C8A: variants seen among roughly 807,000 people sequenced by gnomAD.
C8A encodes the protein complement component C8 alpha chain.
In C8A, 67 loss-of-function variants were observed where a neutral mutation model predicts 65.3. The ratio of observed to expected loss-of-function variants is 1.03; its 90% confidence interval spans 0.84 to 1.26. The LOEUF is 1.26. Ranked by LOEUF, C8A falls within the 50% of genes most tolerant of loss-of-function variation. The pLI, the probability that C8A is intolerant of heterozygous loss-of-function variation, is 0.00. For missense variants in C8A, 781 were observed against 723.9 expected (o/e 1.08, Z -0.90); for synonymous variants, 290 against 259.4 (o/e 1.12, Z -1.13).
chr1:56,867,786 T>C (rs1227853297), intron 2 of C8A, 84 bp downstream of exon 2: 5 of 983,642 alleles, frequency 5.1e-6, no homozygotes, highest in Middle Eastern at 4.1e-4. Context: ...CAGTCCACTA[T>C]GTCTAGGGGC....
At chr1:56,886,646 G>A (rs1644302682) in intron 7 of C8A, among the ~76,000 whole-genome samples, 1 of 152,006 alleles carries the variant, frequency 6.6e-6, no homozygotes, top group African/African-American at 2.4e-5. Context: ...CTCCTACTGA[G>A]GTATGCTGGG....
At chr1:56,907,829 G>A (rs1570351930) in intron 8 of C8A, 127 bp from the exon 9 acceptor site, 1 of 636,366 alleles carries the variant, frequency 1.6e-6, no homozygotes, top group Non-Finnish European at 2.6e-6. Context: ...ACCAAGAAGA[G>A]AAGAAGAATG....
intron 7 of C8A, among the ~76,000 whole-genome samples, chr1:56,889,057 G>A (rs981281654): frequency 2.6e-5 from 4 of 152,056 alleles, no homozygotes; most frequent in Non-Finnish European, 4.4e-5. Flanking sequence ...AAATCTGTGA[G>A]GCTGAAATGG....
chr1:56,914,393 A>C (rs944327730), intron 10 of C8A, among the ~76,000 whole-genome samples: 4 of 152,294 alleles, frequency 2.6e-5, no homozygotes, highest in Non-Finnish European at 5.9e-5. Context: ...TCCTACCCCC[A>C]GAATCTCTGA....
At chr1:56,883,361 G>A in intron 5 of C8A, 120 bp from the exon 6 acceptor site, 1 of 839,402 alleles carries the variant, frequency 1.2e-6, no homozygotes, top group Non-Finnish European at 1.9e-6. Flanking sequence ...CCTTATAAAA[G>A]AATTACCTAC....
At chr1:56,868,669 T>G (rs1241592229) in intron 2 of C8A, among the ~76,000 whole-genome samples, 1 of 152,132 alleles carries the variant, frequency 6.6e-6, no homozygotes, top group South Asian at 2.1e-4. Flanking sequence ...GTCTGTTTTA[T>G]TATTGTTTTA....
chr1:56,902,628 T>C (rs1389259585), intron 7 of C8A, among the ~76,000 whole-genome samples: 1 of 152,204 alleles, frequency 6.6e-6, no homozygotes, highest in Admixed American at 6.5e-5. Context: ...TTTATGGTCA[T>C]TGATTAGTAA....
At chr1:56,915,456 A>G (rs1168158260) in intron 10 of C8A, among the ~76,000 whole-genome samples, 1 of 152,156 alleles carries the variant, frequency 6.6e-6, no homozygotes, top group Non-Finnish European at 1.5e-5. Flanking sequence ...ACTACTCTGG[A>G]TTGATACAGC....
chr1:56,895,135 C>A (rs1450754150), intron 7 of C8A, among the ~76,000 whole-genome samples: 1 of 152,066 alleles, frequency 6.6e-6, no homozygotes, highest in Non-Finnish European at 1.5e-5. Flanking sequence ...GAACCTAGGT[C>A]TTCTGATTTA....
At chr1:56,884,117 A>G (rs143202805) in intron 6 of C8A, among the ~76,000 whole-genome samples, 161 of 152,218 alleles carry the variant, frequency 1.1e-3, no homozygotes, top group African/African-American at 3.6e-3. Context: ...TTCACCATTA[A>G]GTGCCTATTA....
intron 8 of C8A, among the ~76,000 whole-genome samples, chr1:56,907,723 A>T (rs531520693): frequency 6.6e-6 from 1 of 152,304 alleles, no homozygotes; most frequent in South Asian, 2.1e-4. Flanking sequence ...CTTATCCTCC[A>T]TGTGGTCTGG....
intron 8 of C8A, among the ~76,000 whole-genome samples, 165 bp downstream of exon 8, chr1:56,906,957 T>C (rs1644471290): frequency 6.6e-6 from 1 of 152,182 alleles, no homozygotes; most frequent in African/African-American, 2.4e-5. Context: ...GTGGCTTTAT[T>C]TTGAATCTAC....
intron 1 of C8A, among the ~76,000 whole-genome samples, chr1:56,862,064 T>C (rs1644039537): frequency 6.6e-6 from 1 of 152,198 alleles, no homozygotes; most frequent in Admixed American, 6.5e-5. Flanking sequence ...CACAGCCCTA[T>C]CCGAGTACAT....
At chr1:56,904,487 C>T (rs564568039) in intron 7 of C8A, among the ~76,000 whole-genome samples, 99 of 152,256 alleles carry the variant, frequency 6.5e-4, no homozygotes, top group African/African-American at 2.2e-3. Flanking sequence ...GCCCAATATG[C>T]GATATGCTGG....
At chr1:56,885,445 T>TATATATTTACGTAA (rs1557705899) in intron 6 of C8A, among the ~76,000 whole-genome samples, 15 of 86,106 alleles carry the variant, frequency 1.7e-4, no homozygotes, top group African/African-American at 3.6e-4. Flanking sequence ...TTTAAGTAAA[T>TATATATTTACGTAA]ATATATATAT....
chr1:56,912,519 TG>T lies in C8A; in HGVS notation c.1500del (p.Pro501LeufsTer112). The T allele has an allele frequency of 1.2e-6, 2 of 1,614,200 alleles. No individual in the cohort carries two copies. The highest frequency in any genetic ancestry group is 1.7e-6 in the Non-Finnish European group (2 of 1,180,026). On this transcript the variant is annotated frameshift_variant, in exon 10 of 11. Transcript: ENST00000361249. LOFTEE classifies it high-confidence loss of function. ...TGATGGAATTCAATGCCTGCCGATG[TG>T]GGCCTTGCTTCAACAATGGGGTGCC... ...YLMEFNACRC[G>X]PCFNNGVPIL...
chr1:56,868,345 A>G lies in C8A; in HGVS notation c.171+643A>G, dbSNP rs1444676807. Reference sequence around the variant, plus strand: ...CATAGTCAGCCAGGTGTGAGGGCTCACACCTGTAATCCAAGCACTTTGGGA... The same window carrying G: ...CATAGTCAGCCAGGTGTGAGGGCTCGCACCTGTAATCCAAGCACTTTGGGA... On this transcript the variant is annotated intron_variant, in intron 2 of 10. Coordinates refer to ENST00000361249, the MANE Select transcript of C8A (RefSeq NM_000562.3). Among the ~76,000 whole-genome samples the G allele has an allele frequency of 4.0e-5, 6 of 151,562 alleles. 1 individual carries two copies. The East Asian group carries it at 5.8e-4, about 15-fold the overall frequency.
intron 1 of C8A, among the ~76,000 whole-genome samples, chr1:56,855,783 T>C (rs948982682): frequency 6.6e-6 from 1 of 152,110 alleles, no homozygotes; most frequent in African/African-American, 2.4e-5. Context: ...TCTTGATAGA[T>C]GATGCAATTT....
At chr1:56,881,418 A>G in intron 4 of C8A, 27 bp from the exon 5 acceptor site, 1 of 1,611,876 alleles carries the variant, frequency 6.2e-7, no homozygotes, top group Non-Finnish European at 8.5e-7. Context: ...TCCACTAGCT[A>G]TTTAGAAGCT....
Sources: gnomAD v4.1 joint callset for allele counts (sites outside exome capture counted in the v4.1 genomes callset) on GRCh38, gnomAD v4.1.1 for gene constraint, MANE v1.5 for transcripts, NCBI Gene and HGNC (gene_info 2026-07-23, HGNC 2026-07-21) for gene names.